SNX29: variants seen among roughly 807,000 people sequenced by gnomAD.
SNX29 encodes sorting nexin-29.
SNX29 carries 78 observed loss-of-function variants against 102.1 expected under a neutral mutation model. The ratio of observed to expected loss-of-function variants is 0.76; its 90% CI spans 0.64 to 0.92. The LOEUF (loss-of-function observed/expected upper bound fraction) is 0.92. SNX29 is among the 40% of genes least tolerant of loss of function. The pLI is 0.00. For missense variants in SNX29, 1,280 were observed against 1,061.7 expected, an observed-to-expected ratio of 1.21 and a Z score of -2.86; for synonymous variants, 580 against 414.5, an observed-to-expected ratio of 1.40 and a Z score of -4.85.
chr16:12,461,051 A>G (rs2086757372), intron 18 of SNX29, among the ~76,000 whole-genome samples: 1 of 152,236 alleles, frequency 6.6e-6, no homozygotes, highest in Admixed American at 6.5e-5. Flanking sequence ...ACAGTCCTAG[A>G]AGTTAGATGC....
At chr16:12,100,065 G>A (rs1362189138) in intron 11 of SNX29, among the ~76,000 whole-genome samples, 1 of 152,202 alleles carries the variant, frequency 6.6e-6, no homozygotes, top group African/African-American at 2.4e-5. Context: ...GGAGGAACTT[G>A]TCCAGCATAG....
At chr16:12,461,463 C>T (rs932913510) in intron 18 of SNX29, among the ~76,000 whole-genome samples, 2 of 152,184 alleles carry the variant, frequency 1.3e-5, no homozygotes, top group African/African-American at 4.8e-5. Context: ...TTCACTCCTT[C>T]TCTCCAAGAC....
At chr16:12,242,631 CTTCTTCTT>C (rs1340643529) in intron 14 of SNX29, among the ~76,000 whole-genome samples, 2 of 147,440 alleles carry the variant, frequency 1.4e-5, no homozygotes, top group Non-Finnish European at 3.0e-5. Context: ...CTCTTCTTCT[CTTCTTCTT>C]TTCTTCTTGT....
intron 14 of SNX29, among the ~76,000 whole-genome samples, chr16:12,240,219 C>G (rs978319978): frequency 2.0e-5 from 3 of 152,208 alleles, no homozygotes; most frequent in African/African-American, 7.2e-5. Context: ...GATTATTTCT[C>G]TAGGGTCAGC....
intron 3 of SNX29, among the ~76,000 whole-genome samples, chr16:12,017,319 C>T (rs1277935765): frequency 6.6e-6 from 1 of 152,148 alleles, no homozygotes; most frequent in Non-Finnish European, 1.5e-5. Flanking sequence ...GATTGAGTAT[C>T]TTTTCTTATA....
chr16:12,158,325 G>C (rs530127098), intron 13 of SNX29, among the ~76,000 whole-genome samples: 1 of 151,980 alleles, frequency 6.6e-6, no homozygotes, highest in Non-Finnish European at 1.5e-5. Flanking sequence ...TCAGCCTGCC[G>C]AGTAGCTGGG....
At chr16:12,564,806 C>G (rs1489845798) in intron 20 of SNX29, among the ~76,000 whole-genome samples, 2 of 151,760 alleles carry the variant, frequency 1.3e-5, no homozygotes, top group Admixed American at 6.6e-5. Context: ...TGTTGTCATT[C>G]CAGAAGTCTC....
chr16:12,567,141 T>C (rs942388031), intron 20 of SNX29, among the ~76,000 whole-genome samples: 2 of 152,240 alleles, frequency 1.3e-5, no homozygotes, highest in African/African-American at 2.4e-5. Context: ...TTTGTGAAAC[T>C]GGGCTTGGAT....
chr16:12,377,012 A>G (rs1418152181), intron 16 of SNX29, among the ~76,000 whole-genome samples: 9 of 152,084 alleles, frequency 5.9e-5, no homozygotes. Flanking sequence ...TCTAACCAGG[A>G]GAATGTGGGC....
At chr16:12,351,968 G>A (rs1472155184) in intron 15 of SNX29, among the ~76,000 whole-genome samples, 1 of 152,122 alleles carries the variant, frequency 6.6e-6, no homozygotes, top group Non-Finnish European at 1.5e-5. Context: ...AGTCCCCTTT[G>A]ATAGGCATTG....
intron 15 of SNX29, among the ~76,000 whole-genome samples, chr16:12,349,512 G>A (rs1269808733): frequency 6.6e-6 from 1 of 152,230 alleles, no homozygotes; most frequent in African/African-American, 2.4e-5. Flanking sequence ...CATATTTTGA[G>A]TGCTGACATA....
chr16:12,355,079 G>C (rs1057018457), intron 15 of SNX29, among the ~76,000 whole-genome samples: 2 of 152,146 alleles, frequency 1.3e-5, no homozygotes, highest in Non-Finnish European at 2.9e-5. Context: ...TTCAGATGAA[G>C]AATTTTAATT....
intron 14 of SNX29, among the ~76,000 whole-genome samples, chr16:12,235,595 C>T (rs141553158): frequency 1.6e-3 from 250 of 152,174 alleles, no homozygotes; most frequent in South Asian, 5.0e-3. Context: ...CTAACATTGG[C>T]ATATTTTTCA....
rs562750008 is a variant in SNX29 at position 12,088,976 on chromosome 16, T to C, written c.1402+10061T>C. Among the ~76,000 whole-genome samples the C allele has an allele frequency of 7.2e-5, 11 of 151,996 alleles. No individual in the cohort carries two copies. In the South Asian group the frequency reaches 2.3e-3, roughly 32 times the overall value. ...AGTGGTGGGCACCTGTGGTCCCAGG[T>C]ACTAGGGGGCTGAGGCAGAGAATTG... On this transcript the variant is annotated intron_variant, in intron 11 of 20. Transcript: ENST00000566228.
intron 3 of SNX29, among the ~76,000 whole-genome samples, chr16:12,010,945 T>C (rs1057077850): frequency 6.6e-6 from 1 of 152,104 alleles, no homozygotes; most frequent in Admixed American, 6.6e-5. Flanking sequence ...TAAATATCTC[T>C]GAATGTTTGT....
At chr16:12,143,894 A>G (rs2054955708) in intron 13 of SNX29, among the ~76,000 whole-genome samples, 1 of 152,222 alleles carries the variant, frequency 6.6e-6, no homozygotes, top group Non-Finnish European at 1.5e-5. Context: ...CTCCAGACCA[A>G]TTAAATCAGA....
chr16:12,011,627 G>A (rs573853336), intron 3 of SNX29, among the ~76,000 whole-genome samples: 1 of 152,144 alleles, frequency 6.6e-6, no homozygotes, highest in East Asian at 1.9e-4. Context: ...TACTTATATT[G>A]ATAGTTGTTG....
At chr16:12,013,482 C>T (rs188871826) in intron 3 of SNX29, among the ~76,000 whole-genome samples, 446 of 24,492 alleles carry the variant, frequency 0.018, 4 homozygotes, top group Non-Finnish European at 0.029. Context: ...CCTGTCTCTA[C>T]TGGGGGAAAA....
At chr16:12,080,272 C>G (rs1274865313) in intron 11 of SNX29, among the ~76,000 whole-genome samples, 1 of 152,130 alleles carries the variant, frequency 6.6e-6, no homozygotes, top group East Asian at 1.9e-4. Context: ...TTGGGAGGCA[C>G]CCAGCATTCT....
Sources: gnomAD v4.1 joint callset for allele counts (sites outside exome capture counted in the v4.1 genomes callset) on GRCh38, gnomAD v4.1.1 for gene constraint, MANE v1.5 for transcripts, NCBI Gene and HGNC (gene_info 2026-07-23, HGNC 2026-07-21) for gene names.